CNOT6: variants seen among roughly 807,000 people sequenced by gnomAD.
CNOT6 encodes CCR4-NOT transcription complex subunit 6.
CNOT6 carries 12 observed loss-of-function variants against 61.2 expected under a neutral mutation model. That is an observed-to-expected ratio of 0.20 (90% CI 0.13 to 0.32). The LOEUF (loss-of-function observed/expected upper bound fraction) is 0.32, where lower values mean the gene tolerates loss of function less well. Among genes scored for constraint, CNOT6 ranks in the 10% least tolerant of loss-of-function variants. CNOT6 has a pLI of 1.00. For synonymous variants in CNOT6, 225 were observed against 240.6 expected, an observed-to-expected ratio of 0.94 and a Z score of 0.60; for missense variants, 405 against 663.9, an observed-to-expected ratio of 0.61 and a Z score of 4.28.
chr5:180,565,724 G>C, intron 6 of CNOT6, 96 bp from the exon 7 acceptor site: 1 of 1,174,572 alleles, frequency 8.5e-7, no homozygotes, highest in Admixed American at 2.3e-5. Context: ...GAATGAATAC[G>C]GTCAAACTTA....
intron 1 of CNOT6, among the ~76,000 whole-genome samples, chr5:180,497,196 G>T (rs934740930): frequency 2.0e-5 from 3 of 151,862 alleles, no homozygotes; most frequent in Admixed American, 6.6e-5. Context: ...GTGTGGTGGC[G>T]CATGCCTGTA....
intron 2 of CNOT6, among the ~76,000 whole-genome samples, chr5:180,542,494 A>G (rs982000432): frequency 6.6e-6 from 1 of 152,004 alleles, no homozygotes; most frequent in Non-Finnish European, 1.5e-5. Flanking sequence ...CGAACTCCTG[A>G]CCTCAAATGA....
chr5:180,560,863 T>G lies in CNOT6; in HGVS notation c.386-3626T>G, dbSNP rs576421098. On this transcript the variant is annotated intron_variant, in intron 4 of 11. Transcript: ENST00000261951. ...GTCCAAGGCTCTGATGACATGAATG[T>G]TAGATCTTTTGTTATAGTCCCACAA... 3.3e-5 allele frequency among the ~76,000 whole-genome samples: 5 copies of G among 152,342 alleles called. No individual in the cohort carries two copies. In the South Asian group the frequency reaches 1.0e-3, roughly 32 times the overall value.
Position 180,571,389 on chromosome 5 carries a change from A to G in CNOT6, c.1418A>G (p.Glu473Gly). The G allele has an allele frequency of 1.2e-6, 2 of 1,614,204 alleles. No homozygotes were observed. The highest frequency in any genetic ancestry group is 1.7e-6 in the Non-Finnish European group (2 of 1,180,000). Residue 473 changes from glutamate (E) to glycine (G), a missense_variant, in exon 11 of 12, where the codon GAG becomes GGG. This residue lies in a region of CNOT6 where 116 missense variants were observed against 184.6 expected (regional missense o/e 0.63). Coordinates refer to ENST00000261951, the MANE Select transcript of CNOT6 (RefSeq NM_001370472.1). The stretch of plus-strand genomic sequence containing the variant: ...GGTTTCAAGTTACAGAGTGCCTATG[A>G]GAGTGGCCTGATGCCTTACACGAAT... ...THGFKLQSAY[E>G]SGLMPYTNYT...
At chr5:180,543,351 A>G (rs11249722) in intron 2 of CNOT6, among the ~76,000 whole-genome samples, 70,900 of 152,024 alleles carry the variant, frequency 0.47, 17,562 homozygotes, top group Non-Finnish European at 0.56. Context: ...GAGCCAGTGC[A>G]CCCGGCCTGC....
chr5:180,569,936 TC>T (rs1760657857), intron 10 of CNOT6, among the ~76,000 whole-genome samples: 1 of 152,208 alleles, frequency 6.6e-6, no homozygotes, highest in African/African-American at 2.4e-5. Context: ...ACTGTTTCTT[TC>T]TTTTTGTGTT....
intron 1 of CNOT6, among the ~76,000 whole-genome samples, chr5:180,503,410 C>T (rs900725253): frequency 1.7e-4 from 25 of 150,896 alleles, no homozygotes; most frequent in Non-Finnish European, 7.4e-5. Context: ...ATTAGAGGTA[C>T]GCGCCACCAT....
intron 4 of CNOT6, among the ~76,000 whole-genome samples, chr5:180,564,087 T>C (rs772256582): frequency 4.3e-4 from 65 of 152,222 alleles, no homozygotes; most frequent in Non-Finnish European, 8.2e-4. Context: ...GTTTTGATTC[T>C]CTGATGCATT....
At chr5:180,519,172 AAG>A (rs1757778043) in intron 1 of CNOT6, among the ~76,000 whole-genome samples, 1 of 152,204 alleles carries the variant, frequency 6.6e-6, no homozygotes, top group African/African-American at 2.4e-5. Context: ...TTTAAAGACA[AAG>A]AGGAAGTCCA....
At chr5:180,570,538 G>A (rs1356079884) in intron 10 of CNOT6, among the ~76,000 whole-genome samples, 1 of 152,118 alleles carries the variant, frequency 6.6e-6, no homozygotes, top group African/African-American at 2.4e-5. Context: ...TCTACTTTCT[G>A]TGTAGCTACA....
rs1758244255 is a variant in CNOT6 at position 180,529,313 on chromosome 5, A to G, written c.37A>G (p.Arg13Gly). 6.2e-7 allele frequency: 1 copy of G among 1,613,152 alleles called. No individual in the cohort carries two copies. The highest frequency in any genetic ancestry group is 1.1e-5 in the South Asian group (1 of 91,006). ...AAAATACGAGCCCCCTGACCCTCGG[A>G]GGATGTATACAATTATGTCTTCTGA... ...KEKYEPPDPR[R>G]MYTIMSSEEA... Residue 13 changes from arginine (R) to glycine (G), a missense_variant, in exon 2 of 12, where the codon AGG (arginine) becomes GGG (glycine). Arg to Gly is a moderately radical substitution (Grantham distance 125). Around this residue, in one of 5 missense-constraint regions of CNOT6, gnomAD observed 212 missense variants for 307.1 expected, o/e 0.69. Coordinates refer to ENST00000261951, the MANE Select transcript of CNOT6 (RefSeq NM_001370472.1).
intron 1 of CNOT6, among the ~76,000 whole-genome samples, chr5:180,522,226 A>G (rs1048816359): frequency 7.9e-5 from 12 of 151,748 alleles, no homozygotes; most frequent in Non-Finnish European, 1.5e-4. Flanking sequence ...CTAGGCTCAG[A>G]CGATCCTCCC....
At chr5:180,516,347 T>G (rs1461524996) in intron 1 of CNOT6, among the ~76,000 whole-genome samples, 1 of 151,958 alleles carries the variant, frequency 6.6e-6, no homozygotes, top group Non-Finnish European at 1.5e-5. Flanking sequence ...ACCCGGCTAA[T>G]TTTTGTATTT....
intron 1 of CNOT6, among the ~76,000 whole-genome samples, chr5:180,503,525 A>G (rs777232037): frequency 1.9e-4 from 28 of 151,040 alleles, no homozygotes; most frequent in Non-Finnish European, 1.0e-4. Flanking sequence ...TCGGCACCCC[A>G]AAGTGCTGGG....
intron 1 of CNOT6, among the ~76,000 whole-genome samples, chr5:180,497,309 G>A (rs540354953): frequency 1.5e-5 from 2 of 135,950 alleles, no homozygotes; most frequent in African/African-American, 2.9e-5. Flanking sequence ...CCTGGGCAAC[G>A]AGTGAAACTC....
chr5:180,495,223 T>A (rs1756552061), intron 1 of CNOT6, among the ~76,000 whole-genome samples: 2 of 152,196 alleles, frequency 1.3e-5, no homozygotes, highest in Non-Finnish European at 2.9e-5. Flanking sequence ...GCTTACCCCC[T>A]CCCCTAAAAT....
Position 180,524,661 on chromosome 5 carries a change from C to T in CNOT6, c.-2-4614C>T, listed in dbSNP as rs1758016069. On this transcript the variant is annotated intron_variant, in intron 1 of 11. Coordinates refer to ENST00000261951, the MANE Select transcript of CNOT6 (RefSeq NM_001370472.1). ...GACCACAGGTACAGGGCATGGTTTT[C>T]AGATTTCTTAGTCCAGTAACACTTC... is the stretch of plus-strand genomic sequence containing the variant. Among the ~76,000 whole-genome samples, 3 of 152,182 alleles carry T rather than the reference C, an allele frequency of 2.0e-5. No individual in the cohort carries two copies. In the South Asian group the frequency reaches 6.2e-4, roughly 31 times the overall value.
chr5:180,510,133 CCTTTTTTTT>C (rs1407361292), intron 1 of CNOT6, among the ~76,000 whole-genome samples: 15 of 73,066 alleles, frequency 2.1e-4, no homozygotes, highest in African/African-American at 7.3e-4. Flanking sequence ...CGTCTGTAAA[CCTTTTTTTT>C]TTTTTTTTTT....
intron 1 of CNOT6, among the ~76,000 whole-genome samples, chr5:180,517,962 A>G (rs1302327346): frequency 1.3e-5 from 2 of 151,926 alleles, no homozygotes; most frequent in Admixed American, 6.6e-5. Context: ...GCTGCTTCAG[A>G]TAGTGACTGA....
Sources: allele counts gnomAD v4.1 joint callset (sites outside exome capture counted in the v4.1 genomes callset), GRCh38; gene constraint gnomAD v4.1.1; regional missense constraint gnomAD v4.1.1; transcripts MANE v1.5; gene names NCBI Gene and HGNC (gene_info 2026-07-23, HGNC 2026-07-21).